The following ADAMTS6 variants were observed in gnomAD, a reference collection of about 807,000 sequenced individuals.
ADAMTS6 encodes the protein ADAM metallopeptidase with thrombospondin type 1 motif 6.
A neutral mutation model predicts 144.3 loss-of-function variants in ADAMTS6; 23 were observed. That is an observed-to-expected ratio of 0.16 (90% CI 0.11 to 0.23). The LOEUF is 0.23. Among genes scored for constraint, ADAMTS6 ranks in the 10% least tolerant of loss-of-function variants. The pLI is 1.00. For missense variants in ADAMTS6, 999 were observed against 1,379.6 expected (o/e 0.72, Z 4.37); for synonymous variants, 444 against 457.5 (o/e 0.97, Z 0.38).
chr5:65,386,433 G>A (rs1387830008), intron 7 of ADAMTS6, among the ~76,000 whole-genome samples: 2 of 152,124 alleles, frequency 1.3e-5, no homozygotes, highest in Non-Finnish European at 2.9e-5. Flanking sequence ...ATTTCTAGAA[G>A]TGTACCTGAT....
chr5:65,382,357 A>G (rs1752118078), intron 7 of ADAMTS6, among the ~76,000 whole-genome samples: 1 of 152,240 alleles, frequency 6.6e-6, no homozygotes, highest in South Asian at 2.1e-4. Flanking sequence ...TATTACTCCT[A>G]TGAAATATCT....
At chr5:65,314,221 G>A (rs1291351644) in intron 9 of ADAMTS6, among the ~76,000 whole-genome samples, 1 of 152,166 alleles carries the variant, frequency 6.6e-6, no homozygotes, top group Non-Finnish European at 1.5e-5. Flanking sequence ...AATGATGAAT[G>A]TCTGAACATG....
intron 10 of ADAMTS6, among the ~76,000 whole-genome samples, chr5:65,296,541 C>T (rs1360457274): frequency 1.3e-5 from 2 of 152,252 alleles, no homozygotes; most frequent in South Asian, 2.1e-4. Flanking sequence ...TTTTGCCAAG[C>T]TCTTAGATTC....
At chr5:65,347,487 T>C (rs552086189) in intron 7 of ADAMTS6, among the ~76,000 whole-genome samples, 88 of 151,898 alleles carry the variant, frequency 5.8e-4, no homozygotes, top group African/African-American at 2.1e-3. Flanking sequence ...TCACACCGTA[T>C]ACAAAAATCA....
At position 65,373,600 on chromosome 5, in the gene ADAMTS6, A is replaced by C. The variant is rs1751200188; in HGVS notation, c.1074-39515T>G. Among the ~76,000 whole-genome samples the C allele has an allele frequency of 2.6e-5, 4 of 152,258 alleles. No homozygotes were observed. The South Asian group carries it at 8.3e-4, about 32-fold the overall frequency. ...GAATAGACCAATAACAGGATTTGAA[A>C]TTGTGGCAATAATCAATAGCTTACC... On this transcript the variant is annotated intron_variant, in intron 7 of 24. Transcript: ENST00000381055.
At chr5:65,262,667 C>A in intron 13 of ADAMTS6, 150 bp downstream of exon 13, 1 of 776,018 alleles carries the variant, frequency 1.3e-6, no homozygotes, top group Non-Finnish European at 1.8e-6. Flanking sequence ...TCTAACAAAG[C>A]TCCTCCACTT....
At chr5:65,275,440 AAAAG>A (rs575470240) in intron 11 of ADAMTS6, among the ~76,000 whole-genome samples, 4 of 150,492 alleles carry the variant, frequency 2.7e-5, no homozygotes, top group South Asian at 2.1e-4. Context: ...AAGAAAAGAA[AAAAG>A]AAAGAGAAAG....
chr5:65,437,614 T>C (rs1757544211), intron 7 of ADAMTS6, among the ~76,000 whole-genome samples: 1 of 152,090 alleles, frequency 6.6e-6, no homozygotes, highest in South Asian at 2.1e-4. Flanking sequence ...ACTCTCAAGA[T>C]TGGTTCCAGG....
chr5:65,437,853 C>G (rs1378068372), intron 7 of ADAMTS6, among the ~76,000 whole-genome samples: 1 of 151,940 alleles, frequency 6.6e-6, no homozygotes, highest in Non-Finnish European at 1.5e-5. Context: ...TATTTTCGAT[C>G]CACGATTGGT....
chr5:65,244,577 C>T (rs371199094), intron 14 of ADAMTS6, among the ~76,000 whole-genome samples: 5 of 152,040 alleles, frequency 3.3e-5, no homozygotes, highest in East Asian at 1.9e-4. Flanking sequence ...ATAACAATAG[C>T]GAGCTAGTAT....
chr5:65,384,152 T>G (rs971888022), intron 7 of ADAMTS6, among the ~76,000 whole-genome samples: 1 of 152,230 alleles, frequency 6.6e-6, no homozygotes. Flanking sequence ...CTTCATTCTA[T>G]CCATACTAAT....
At chr5:65,318,313 CA>C (rs1157227750) in intron 9 of ADAMTS6, among the ~76,000 whole-genome samples, 2 of 152,098 alleles carry the variant, frequency 1.3e-5, no homozygotes, top group Non-Finnish European at 2.9e-5. Flanking sequence ...CTATGAAGAA[CA>C]GTTTGGAGGT....
chr5:65,393,839 G>A (rs1043623049), intron 7 of ADAMTS6, among the ~76,000 whole-genome samples: 1 of 152,158 alleles, frequency 6.6e-6, no homozygotes, highest in African/African-American at 2.4e-5. Context: ...GGTTTAAGAG[G>A]ATATAAAAAG....
chr5:65,451,719 T>G, intron 6 of ADAMTS6, 99 bp from the exon 7 acceptor site: 1 of 1,403,444 alleles, frequency 7.1e-7, no homozygotes, highest in Non-Finnish European at 9.8e-7. Flanking sequence ...TTAGAAGCAG[T>G]GTTTCTAGGA....
intron 7 of ADAMTS6, among the ~76,000 whole-genome samples, chr5:65,397,542 T>C (rs1242041817): frequency 6.6e-6 from 1 of 152,134 alleles, no homozygotes; most frequent in Non-Finnish European, 1.5e-5. Flanking sequence ...ATTTTTAATT[T>C]CTCTTCAGAT....
intron 3 of ADAMTS6, among the ~76,000 whole-genome samples, chr5:65,462,580 TG>T (rs1198523534): frequency 6.6e-6 from 1 of 152,224 alleles, no homozygotes; most frequent in Non-Finnish European, 1.5e-5. Context: ...AATGAACTCG[TG>T]ATTGACTTTG....
In ADAMTS6 at chr5:65,214,652, G is replaced by A. The variant is rs1756779531; in HGVS notation, c.2575+142C>T. The A allele has an allele frequency of 2.5e-6, 3 of 1,197,306 alleles. No individual in the cohort carries two copies. The highest frequency in any genetic ancestry group is 2.5e-5 in the East Asian group (1 of 40,210). The allele number at this position is 1,197,306 out of a possible 1,614,324, so 74.2% of individuals were successfully genotyped here. A position where few individuals can be genotyped will look rare whatever the true frequency, so the allele number is the denominator to read the frequency against. ...TGGAATATAATATAATTAAAGCAAAGTTTCTTTTGCTAAATTACAGCTTGA... is the reference window on the plus strand; with the variant it reads ...TGGAATATAATATAATTAAAGCAAAATTTCTTTTGCTAAATTACAGCTTGA... On this transcript the variant is annotated intron_variant, in intron 20 of 24. Transcript: ENST00000381055. This position sits in a 1 kb window ranked among gnomAD's most constrained non-coding sequence, Gnocchi z 4.6.
At chr5:65,185,878 T>C (rs569121490) in intron 22 of ADAMTS6, among the ~76,000 whole-genome samples, 2 of 152,332 alleles carry the variant, frequency 1.3e-5, no homozygotes, top group South Asian at 4.1e-4. Flanking sequence ...TAAAAACATA[T>C]AATGATACAG....
At chr5:65,419,010 A>C (rs1039755348) in intron 7 of ADAMTS6, among the ~76,000 whole-genome samples, 9 of 152,104 alleles carry the variant, frequency 5.9e-5, no homozygotes, top group Non-Finnish European at 1.0e-4. Flanking sequence ...AGAACTTGAA[A>C]CCGAATTACC....
Sources: allele counts gnomAD v4.1 joint callset (sites outside exome capture counted in the v4.1 genomes callset), GRCh38; gene constraint gnomAD v4.1.1; non-coding constraint Gnocchi (gnomAD v3.1); transcripts MANE v1.5; gene names NCBI Gene and HGNC (gene_info 2026-07-23, HGNC 2026-07-21).